The following SERGEF variants were observed in gnomAD, a reference collection of about 807,000 sequenced individuals.
SERGEF encodes the protein secretion regulating guanine nucleotide exchange factor, also known as secretion-regulating guanine nucleotide exchange factor.
In SERGEF, 51 loss-of-function variants were observed where a neutral mutation model predicts 50.0. The ratio of observed to expected loss-of-function variants is 1.02; its 90% confidence interval spans 0.81 to 1.29. The LOEUF (loss-of-function observed/expected upper bound fraction) is 1.29. Among genes scored for constraint, SERGEF ranks in the 50% most tolerant of loss-of-function variants. The probability of loss-of-function intolerance (pLI) is 0.00; values close to 1 mark genes in which losing one functional copy is unlikely to be tolerated. For missense variants in SERGEF, 521 were observed against 557.0 expected, an observed-to-expected ratio of 0.94 and a Z score of 0.65; for synonymous variants, 205 against 212.4, an observed-to-expected ratio of 0.97 and a Z score of 0.30.
In SERGEF at chr11:17,878,208, C is replaced by G; in HGVS notation, c.1048G>C (p.Gly350Arg). ...AGTTATCAGTATAAAAATTACTTACCAATTATTGCCAAATTATGCTCTGAG... is the reference window on the plus strand; with the variant it reads ...AGTTATCAGTATAAAAATTACTTACGAATTATTGCCAAATTATGCTCTGAG... ...CGSEHNLAII[G>R]GVCYSWGWNE... Residue 350 changes from glycine (G) to arginine (R), a missense_variant and splice_region_variant, in exon 10 of 11, where the codon GGT (glycine) becomes CGT (arginine). Coordinates refer to ENST00000265965, the MANE Select transcript of SERGEF (RefSeq NM_012139.4). 1.9e-6 allele frequency: 3 copies of G among 1,575,252 alleles called. No homozygotes were observed. In the East Asian group the frequency reaches 6.7e-5, roughly 35 times the overall value.
intron 10 of SERGEF, among the ~76,000 whole-genome samples, chr11:17,807,841 G>C (rs1257447037): frequency 2.0e-5 from 3 of 152,162 alleles, no homozygotes; most frequent in Non-Finnish European, 2.9e-5. Context: ...ACTCATATCT[G>C]AGCCTAGCTA....
rs1199348875 is a variant in SERGEF at position 18,012,984 on chromosome 11, CT to C, written c.26del (p.Glu9GlyfsTer34). The stretch of plus-strand genomic sequence containing the variant: ...AGAGCGCGGCCGCCGCGGGGGCGGC[CT>C]CCGAGGCGCTGGGCTCGCGCTCCAT... MEREPSAS[E>X]AAPAAAALFA... On this transcript the variant is annotated frameshift_variant, in exon 1 of 11. Coordinates refer to ENST00000265965, the MANE Select transcript of SERGEF (RefSeq NM_012139.4). LOFTEE classifies it high-confidence loss of function. 2 of 1,463,522 alleles carry C rather than the reference CT, an allele frequency of 1.4e-6. No homozygotes were observed. Among genetic ancestry groups the C allele is most frequent in the South Asian group, 2.6e-5 (2 of 75,922 alleles). The allele number at this position is 1,463,522 out of a possible 1,614,324, so 90.7% of individuals were successfully genotyped here. A position where few individuals can be genotyped will look rare whatever the true frequency, so the allele number is the denominator to read the frequency against.
chr11:17,868,868 T>C (rs1327612793), intron 10 of SERGEF, among the ~76,000 whole-genome samples: 1 of 152,080 alleles, frequency 6.6e-6, no homozygotes, highest in Non-Finnish European at 1.5e-5. Context: ...TTCACTATCA[T>C]GAGAACAGCA....
chr11:17,815,208 T>C (rs1849947926), intron 10 of SERGEF, among the ~76,000 whole-genome samples: 1 of 150,824 alleles, frequency 6.6e-6, no homozygotes, highest in Non-Finnish European at 1.5e-5. Context: ...AAAACAAAAA[T>C]TACAGTCTTT....
At position 18,006,748 on chromosome 11, in the gene SERGEF, T is replaced by C. The variant is rs1383905445; in HGVS notation, c.197-2A>G. On this transcript the variant is annotated splice_acceptor_variant, in intron 2 of 10. Transcript: ENST00000265965. LOFTEE classifies it high-confidence loss of function. ...CACAAACAAAGAGGTCTCCTCCATC[T>C]GCAAAATATAAAGGCATCAGTGATA... 1 of 1,613,976 alleles carries C rather than the reference T, an allele frequency of 6.2e-7. No individual in the cohort carries two copies. Among genetic ancestry groups the C allele is most frequent in the East Asian group, 2.2e-5 (1 of 44,882 alleles).
rs369372033 is a variant in SERGEF, at chr11:17,995,858, C to G, written c.560G>C (p.Arg187Pro). The G allele has an allele frequency of 6.2e-7, 1 of 1,614,052 alleles. No individual in the cohort carries two copies. The highest frequency in any genetic ancestry group is 8.5e-7 in the Non-Finnish European group (1 of 1,179,986). Residue 187 changes from arginine to proline, a missense_variant, in exon 6 of 11, where the codon CGG (arginine) becomes CCG (proline). Physicochemically the swap from Arg to Pro is moderately radical, Grantham distance 103. Transcript: ENST00000265965. Reference protein sequence around the residue: ...WGTGLASCGRRLCPGQTLPLF... With the variant: ...WGTGLASCGRPLCPGQTLPLF... ...TGGAAGAGTCTGCCCAGGGCACAAC[C>G]GTCGTCCACATGATGCCAAACCAGT...
chr11:17,876,880 G>A (rs557551571), intron 10 of SERGEF, among the ~76,000 whole-genome samples: 28 of 152,184 alleles, frequency 1.8e-4, no homozygotes, highest in Admixed American at 7.9e-4. Flanking sequence ...AAGCAGTTCC[G>A]GTATAAAGTA....
chr11:17,998,883 T>C (rs1853901704), intron 5 of SERGEF, among the ~76,000 whole-genome samples: 1 of 151,312 alleles, frequency 6.6e-6, no homozygotes, highest in Non-Finnish European at 1.5e-5. Flanking sequence ...ATAATCTTAA[T>C]ACTTTTAGCC....
At chr11:17,887,322 G>T (rs1027637737) in intron 9 of SERGEF, among the ~76,000 whole-genome samples, 2 of 152,072 alleles carry the variant, frequency 1.3e-5, no homozygotes, top group African/African-American at 2.4e-5. Flanking sequence ...TCTGGTCCTT[G>T]CCAACTAAAA....
At chr11:18,001,960 C>T in intron 4 of SERGEF, 2 of 456,216 alleles carry the variant, frequency 4.4e-6, no homozygotes, top group South Asian at 3.1e-5. Context: ...ATGCCCAGGG[C>T]CTAAGCACCA....
At chr11:17,821,067 A>G (rs1355514026) in intron 10 of SERGEF, among the ~76,000 whole-genome samples, 1 of 152,216 alleles carries the variant, frequency 6.6e-6, no homozygotes, top group African/African-American at 2.4e-5. Context: ...CCACGTGAAG[A>G]CAGAGGCAGG....
intron 9 of SERGEF, among the ~76,000 whole-genome samples, chr11:17,957,815 TG>T (rs1852907174): frequency 6.6e-6 from 1 of 151,222 alleles, no homozygotes; most frequent in Non-Finnish European, 1.5e-5. Flanking sequence ...CTTCTAATCA[TG>T]TAATGTTTAC....
chr11:17,952,918 A>G (rs888593107), intron 9 of SERGEF, among the ~76,000 whole-genome samples: 5 of 151,692 alleles, frequency 3.3e-5, no homozygotes, highest in African/African-American at 9.7e-5. Flanking sequence ...TCCTGTCAAT[A>G]CTCAGTCTCT....
chr11:17,941,638 G>T (rs1453873266), intron 9 of SERGEF, among the ~76,000 whole-genome samples: 2 of 152,108 alleles, frequency 1.3e-5, no homozygotes, highest in African/African-American at 4.8e-5. Flanking sequence ...AACTCTTTTG[G>T]ATATATATCC....
intron 9 of SERGEF, among the ~76,000 whole-genome samples, chr11:17,932,639 G>C (rs551308379): frequency 1.3e-5 from 2 of 152,076 alleles, no homozygotes; most frequent in Non-Finnish European, 2.9e-5. Flanking sequence ...AAGGAATATT[G>C]AAACATTTCT....
intron 10 of SERGEF, among the ~76,000 whole-genome samples, chr11:17,804,811 A>G (rs371327162): frequency 2.8e-4 from 42 of 152,300 alleles, no homozygotes; most frequent in African/African-American, 9.9e-4. Context: ...AGAGGCCTCA[A>G]TGGACTGTTA....
intron 10 of SERGEF, among the ~76,000 whole-genome samples, chr11:17,841,511 T>C (rs915150470): frequency 2.0e-5 from 3 of 152,236 alleles, no homozygotes; most frequent in African/African-American, 7.2e-5. Context: ...TCTCTCACTC[T>C]ATCCAGCATG....
At chr11:17,965,829 C>T (rs529198779) in intron 8 of SERGEF, among the ~76,000 whole-genome samples, 15 of 152,366 alleles carry the variant, frequency 9.8e-5, no homozygotes, top group African/African-American at 3.6e-4. Flanking sequence ...CTACCATTCA[C>T]TAGCTCCATA....
chr11:17,993,588 T>C (rs1421342573), intron 6 of SERGEF, among the ~76,000 whole-genome samples: 2 of 152,230 alleles, frequency 1.3e-5, no homozygotes, highest in African/African-American at 4.8e-5. Context: ...CTGCTAAAAG[T>C]GGAGCTAGCC....
Sources: allele counts gnomAD v4.1 joint callset (sites outside exome capture counted in the v4.1 genomes callset), GRCh38; gene constraint gnomAD v4.1.1; transcripts MANE v1.5; gene names NCBI Gene and HGNC (gene_info 2026-07-23, HGNC 2026-07-21).